The following SLC2A1 variants were observed in gnomAD, a reference collection of about 807,000 sequenced individuals.
SLC2A1 encodes solute carrier family 2 member 1.
In SLC2A1, 4 loss-of-function variants were observed where a neutral mutation model predicts 46.6. The observed-to-expected ratio is 0.09, with a 90% CI of 0.04 to 0.20. The LOEUF (loss-of-function observed/expected upper bound fraction) is 0.20, where lower values mean the gene tolerates loss of function less well. Ranked by LOEUF, SLC2A1 falls within the 10% of genes least tolerant of loss-of-function variation. The probability of loss-of-function intolerance (pLI) is 1.00; values close to 1 mark genes in which losing one functional copy is unlikely to be tolerated. For synonymous variants in SLC2A1, 253 were observed against 270.0 expected (o/e 0.94, Z 0.62); for missense variants, 352 against 667.0 (o/e 0.53, Z 5.20).
intron 1 of SLC2A1, chr1:42,951,954 T>C (rs145194280): frequency 7.8e-4 from 314 of 403,540 alleles, no homozygotes; most frequent in African/African-American, 6.0e-3. Flanking sequence ...AAAATTACAC[T>C]GGAATTCATC....
intron 1 of SLC2A1, among the ~76,000 whole-genome samples, chr1:42,946,110 G>A (rs551070409): frequency 8.5e-4 from 130 of 152,186 alleles, no homozygotes; most frequent in Non-Finnish European, 1.6e-3. Flanking sequence ...TGTTCCAGGG[G>A]TCTGGAGCCT....
chr1:42,938,031 T>G (rs1262393064), intron 2 of SLC2A1, among the ~76,000 whole-genome samples: 1 of 152,216 alleles, frequency 6.6e-6, no homozygotes, highest in Non-Finnish European at 1.5e-5. Context: ...CTCTGGATTC[T>G]GAGGATGCCT....
chr1:42,952,073 G>A (rs1643727285), intron 1 of SLC2A1: 1 of 441,116 alleles, frequency 2.3e-6, no homozygotes, highest in Non-Finnish European at 4.0e-6. Flanking sequence ...GCAGGGGCAA[G>A]GATGGGGTCA....
At position 42,926,947 on chromosome 1, in the gene SLC2A1, A is replaced by G. The variant is rs1643432680; in HGVS notation, c.*94T>C. 3 of 1,558,524 alleles carry G rather than the reference A, an allele frequency of 1.9e-6. No homozygotes were observed. The highest frequency in any genetic ancestry group is 2.6e-6 in the Non-Finnish European group (3 of 1,153,058). Reference sequence around the variant, plus strand: ...GAGCCCCAGGCCCGGCTCGGCTGACATCTGTCAGGTTTGGAAGTCTCATCC... The same window carrying G: ...GAGCCCCAGGCCCGGCTCGGCTGACGTCTGTCAGGTTTGGAAGTCTCATCC... On this transcript the variant is annotated 3_prime_UTR_variant, in exon 10 of 10. Transcript: ENST00000426263.
Position 42,927,927 on chromosome 1 carries a change from G to T in SLC2A1, c.1075-119C>A. The stretch of plus-strand genomic sequence containing the variant: ...CGAGAAGGCAGGAAGCCTGGGGATG[G>T]TCCTGGATTTGTTGTGTATCCAGCA... On this transcript the variant is annotated intron_variant, in intron 8 of 9. Coordinates refer to ENST00000426263, the MANE Select transcript of SLC2A1 (RefSeq NM_006516.4). This position sits in a 1 kb window ranked among gnomAD's most constrained non-coding sequence, Gnocchi z 5.3. 1 of 795,988 alleles carries T rather than the reference G, an allele frequency of 1.3e-6. No homozygotes were observed. The highest frequency in any genetic ancestry group is 2.1e-6 in the Non-Finnish European group (1 of 470,672). 49.3% of individuals were successfully genotyped at this position (795,988 alleles called of 1,614,324 possible). A position where few individuals can be genotyped will look rare whatever the true frequency, so the allele number is the denominator to read the frequency against.
At chr1:42,952,620 G>A (rs1643734026) in intron 1 of SLC2A1, 1 of 291,470 alleles carries the variant, frequency 3.4e-6, no homozygotes, top group African/African-American at 2.2e-5. Flanking sequence ...GTTTACCTGG[G>A]GCCAGAACCC....
chr1:42,953,339 C>T (rs527292792), intron 1 of SLC2A1, among the ~76,000 whole-genome samples: 56 of 152,244 alleles, frequency 3.7e-4, no homozygotes, highest in Non-Finnish European at 7.3e-4. Flanking sequence ...TCAGCTACTG[C>T]CAGGCCTGGT....
intron 1 of SLC2A1, among the ~76,000 whole-genome samples, chr1:42,955,777 A>G (rs1207910060): frequency 6.6e-6 from 1 of 152,178 alleles, no homozygotes; most frequent in Non-Finnish European, 1.5e-5. Flanking sequence ...CATCTGGGGC[A>G]GGGCTCACCC....
At chr1:42,941,518 C>T (rs1055178634) in intron 2 of SLC2A1, among the ~76,000 whole-genome samples, 3 of 152,210 alleles carry the variant, frequency 2.0e-5, no homozygotes, top group African/African-American at 7.2e-5. Flanking sequence ...TCTGTCCTGG[C>T]CTTAGAGTCC....
At chr1:42,931,662 C>T (rs1046187517) in intron 2 of SLC2A1, among the ~76,000 whole-genome samples, 2 of 151,528 alleles carry the variant, frequency 1.3e-5, no homozygotes, top group African/African-American at 2.4e-5. Flanking sequence ...CCTATCTCTA[C>T]TAAAAATAAA....
chr1:42,941,977 G>A (rs1242360780), intron 2 of SLC2A1, among the ~76,000 whole-genome samples: 1 of 152,240 alleles, frequency 6.6e-6, no homozygotes. Context: ...CATCGGGCGT[G>A]GCCCCATAGC....
chr1:42,947,567 CACACACACACACACAA>C (rs1469678725), intron 1 of SLC2A1, among the ~76,000 whole-genome samples: 9 of 96,592 alleles, frequency 9.3e-5, no homozygotes, highest in South Asian at 3.5e-4. Flanking sequence ...ACTAAAATTA[CACACACACACACACAA>C]AAAAAAAAAA....
chr1:42,930,230 A>G lies in SLC2A1; in HGVS notation c.517-195T>C, dbSNP rs149672563. 5.6e-4 allele frequency: 376 copies of G among 669,298 alleles called. 3 individuals are homozygous for G. The African/African-American group carries it at 6.0e-3, about 11-fold the overall frequency. 41.5% of individuals were successfully genotyped at this position (669,298 alleles called of 1,614,324 possible). A position where few individuals can be genotyped will look rare whatever the true frequency, so the allele number is the denominator to read the frequency against. ...ATGGGAAAAGTAGGACCTACCCCAC[A>G]GTGTTGCTGGGAGGACAAATGACAA... On this transcript the variant is annotated intron_variant, in intron 4 of 9. Coordinates refer to ENST00000426263, the MANE Select transcript of SLC2A1 (RefSeq NM_006516.4). This position sits in a 1 kb window ranked among gnomAD's most constrained non-coding sequence, Gnocchi z 6.2.
At chr1:42,940,056 A>ACTTCCTTC (rs1643582135) in intron 2 of SLC2A1, among the ~76,000 whole-genome samples, 1 of 84,176 alleles carries the variant, frequency 1.2e-5, no homozygotes, top group African/African-American at 5.8e-5. Flanking sequence ...CTCCGCCCTC[A>ACTTCCTTC]CTTCCTTATC....
intron 1 of SLC2A1, among the ~76,000 whole-genome samples, chr1:42,956,420 A>C (rs1262489279): frequency 7.6e-6 from 1 of 131,978 alleles, no homozygotes; most frequent in Non-Finnish European, 1.7e-5. Flanking sequence ...AAAAAAAAAA[A>C]AAAAAAAAAA....
intron 2 of SLC2A1, among the ~76,000 whole-genome samples, chr1:42,932,982 C>G (rs1643507849): frequency 6.6e-6 from 1 of 152,244 alleles, no homozygotes; most frequent in South Asian, 2.1e-4. Context: ...AACCTGAACT[C>G]TGATTCTGGA....
chr1:42,937,208 A>G (rs1441121319), intron 2 of SLC2A1, among the ~76,000 whole-genome samples: 1 of 152,240 alleles, frequency 6.6e-6, no homozygotes, highest in Non-Finnish European at 1.5e-5. Context: ...CTCCCTGTAC[A>G]GTAAACCTCA....
At chr1:42,944,644 G>A (rs994566705) in intron 1 of SLC2A1, among the ~76,000 whole-genome samples, 1 of 152,140 alleles carries the variant, frequency 6.6e-6, no homozygotes, top group Non-Finnish European at 1.5e-5. Flanking sequence ...TCAGGGCAAC[G>A]ACTGCAAAAG....
chr1:42,936,946 G>A (rs945305122), intron 2 of SLC2A1, among the ~76,000 whole-genome samples: 1 of 152,106 alleles, frequency 6.6e-6, no homozygotes, highest in East Asian at 1.9e-4. Context: ...TAGGACATCT[G>A]CCAATGCCCA....
Sources: gnomAD v4.1 joint callset for allele counts (sites outside exome capture counted in the v4.1 genomes callset) on GRCh38, gnomAD v4.1.1 for gene constraint, Gnocchi (gnomAD v3.1) non-coding constraint, MANE v1.5 for transcripts, NCBI Gene and HGNC (gene_info 2026-07-23, HGNC 2026-07-21) for gene names.